Variants in PPME1 observed in about 807,000 individuals in gnomAD.
PPME1 encodes protein phosphatase methylesterase 1, also known as testicular secretory protein Li 39.
In PPME1, 17 loss-of-function variants were observed where a neutral mutation model predicts 56.9. The observed-to-expected ratio is 0.30, with a 90% CI of 0.20 to 0.45. The LOEUF (loss-of-function observed/expected upper bound fraction) is 0.45. Ranked by LOEUF, PPME1 falls within the 20% of genes least tolerant of loss-of-function variation. The probability of loss-of-function intolerance (pLI) is 1.00; values close to 1 mark genes in which losing one functional copy is unlikely to be tolerated. For synonymous variants in PPME1, 122 were observed against 156.2 expected (o/e 0.78, Z 1.63); for missense variants, 357 against 483.2 (o/e 0.74, Z 2.45).
intron 1 of PPME1, among the ~76,000 whole-genome samples, chr11:74,182,208 T>C (rs1312605833): frequency 6.6e-6 from 1 of 152,198 alleles, no homozygotes; most frequent in Non-Finnish European, 1.5e-5. Flanking sequence ...TTTTTTTAAA[T>C]GTAGATAATA....
intron 1 of PPME1, among the ~76,000 whole-genome samples, chr11:74,192,886 A>C (rs956605042): frequency 6.6e-6 from 1 of 152,140 alleles, no homozygotes; most frequent in Non-Finnish European, 1.5e-5. Context: ...CCTTTTTATA[A>C]ATTACCCAGT....
chr11:74,204,468 A>C, intron 3 of PPME1, 23 bp downstream of exon 3: 2 of 1,566,856 alleles, frequency 1.3e-6, no homozygotes, highest in Non-Finnish European at 1.8e-6. Flanking sequence ...TTGATAGTAC[A>C]AGTTAATGTT....
chr11:74,231,232 A>C (rs1859058969), intron 7 of PPME1, among the ~76,000 whole-genome samples: 1 of 152,030 alleles, frequency 6.6e-6, no homozygotes. Context: ...TAATTTTTAA[A>C]TTTTTTGTAG....
chr11:74,171,599 G>T, intron 1 of PPME1, 77 bp downstream of exon 1: 1 of 1,488,246 alleles, frequency 6.7e-7, no homozygotes. Flanking sequence ...CGTTCATAGA[G>T]GCACGGGAAA....
At chr11:74,171,981 G>T (rs1857254457) in intron 1 of PPME1, among the ~76,000 whole-genome samples, 1 of 152,146 alleles carries the variant, frequency 6.6e-6, no homozygotes, top group African/African-American at 2.4e-5. Context: ...TGCACTGTGA[G>T]AACTAGATAC....
chr11:74,223,428 C>T (rs1858852031), intron 4 of PPME1, among the ~76,000 whole-genome samples: 1 of 144,924 alleles, frequency 6.9e-6, no homozygotes, highest in Non-Finnish European at 1.5e-5. Context: ...TTTATAGCAG[C>T]AAGATTTATA....
intron 11 of PPME1, chr11:74,248,781 A>T (rs1859576129): frequency 6.6e-6 from 1 of 152,244 alleles, no homozygotes; most frequent in South Asian, 2.1e-4. Context: ...CCTATGCATG[A>T]TGCTGGGCAG....
intron 3 of PPME1, among the ~76,000 whole-genome samples, chr11:74,214,252 C>CTT (rs1487725203): frequency 1.3e-5 from 2 of 152,038 alleles, no homozygotes; most frequent in Non-Finnish European, 2.9e-5. Flanking sequence ...TAAGAATTAG[C>CTT]TTGAAGACAG....
chr11:74,230,526 CT>C lies in PPME1; in HGVS notation c.553+133del, dbSNP rs1859039119. 3 of 1,165,894 alleles carry C rather than the reference CT, an allele frequency of 2.6e-6. No individual in the cohort carries two copies. Among genetic ancestry groups the C allele is most frequent in the Non-Finnish European group, 3.6e-6 (3 of 822,180 alleles). 72.2% of individuals were successfully genotyped at this position (1,165,894 alleles called of 1,614,324 possible). A position where few individuals can be genotyped will look rare whatever the true frequency, so the allele number is the denominator to read the frequency against. On this transcript the variant is annotated intron_variant, in intron 6 of 13. Coordinates refer to ENST00000328257, the MANE Select transcript of PPME1 (RefSeq NM_016147.3). This position sits in a 1 kb window ranked among gnomAD's most constrained non-coding sequence, Gnocchi z 4.9. ...GAAATATGTCCCTCTGTCTTTATATCTTTTTTAAGTTTATACAAGATAACCA... is the reference window on the plus strand; with the variant it reads ...GAAATATGTCCCTCTGTCTTTATATCTTTTTAAGTTTATACAAGATAACCA...
intron 1 of PPME1, among the ~76,000 whole-genome samples, chr11:74,184,385 A>G (rs1299371424): frequency 1.3e-5 from 2 of 152,200 alleles, no homozygotes; most frequent in Non-Finnish European, 2.9e-5. Flanking sequence ...CATAGAATTT[A>G]CCAATATTTT....
chr11:74,224,882 G>A (rs949733176), intron 4 of PPME1, among the ~76,000 whole-genome samples: 29 of 146,718 alleles, frequency 2.0e-4, no homozygotes, highest in South Asian at 6.6e-4. Flanking sequence ...CAATCATGTC[G>A]TCTGCAAACA....
At chr11:74,213,434 G>A (rs1858534497) in intron 3 of PPME1, among the ~76,000 whole-genome samples, 1 of 152,224 alleles carries the variant, frequency 6.6e-6, no homozygotes, top group African/African-American at 2.4e-5. Context: ...AAGGACAGAA[G>A]CCTGGCTGGC....
intron 3 of PPME1, among the ~76,000 whole-genome samples, chr11:74,218,721 C>T (rs1051896538): frequency 6.6e-6 from 1 of 152,094 alleles, no homozygotes; most frequent in African/African-American, 2.4e-5. Flanking sequence ...AAACTAAACC[C>T]CTATCTCTTG....
At chr11:74,227,038 C>G (rs1287380422) in intron 5 of PPME1, among the ~76,000 whole-genome samples, 3 of 152,058 alleles carry the variant, frequency 2.0e-5, no homozygotes, top group Non-Finnish European at 4.4e-5. Context: ...GAATTCTGCC[C>G]TCTAGGGTAT....
intron 3 of PPME1, among the ~76,000 whole-genome samples, chr11:74,221,172 T>G (rs1257407133): frequency 6.6e-6 from 1 of 152,194 alleles, no homozygotes; most frequent in Non-Finnish European, 1.5e-5. Flanking sequence ...ATATATATTT[T>G]GTTTCTGTTT....
intron 1 of PPME1, among the ~76,000 whole-genome samples, chr11:74,173,521 G>C (rs1032259569): frequency 3.3e-5 from 5 of 151,888 alleles, no homozygotes; most frequent in African/African-American, 7.3e-5. Context: ...GTAATTTATC[G>C]TTTTTATTTT....
intron 12 of PPME1, chr11:74,251,444 A>T: frequency 7.1e-7 from 1 of 1,417,758 alleles, no homozygotes; most frequent in Non-Finnish European, 9.2e-7. Context: ...CTTGAGCTCT[A>T]TGGAGCTATC....
intron 12 of PPME1, 47 bp downstream of exon 12, chr11:74,251,065 C>T (rs1333404613): frequency 1.3e-6 from 2 of 1,556,164 alleles, no homozygotes; most frequent in South Asian, 1.2e-5. Context: ...GTGAGAATAA[C>T]CCTGGATGTC....
At chr11:74,175,691 A>G (rs991155354) in intron 1 of PPME1, among the ~76,000 whole-genome samples, 5 of 152,190 alleles carry the variant, frequency 3.3e-5, no homozygotes, top group African/African-American at 1.2e-4. Context: ...TTGAGTAGGT[A>G]GGACTGAGGA....
Sources: gnomAD v4.1 joint callset for allele counts (sites outside exome capture counted in the v4.1 genomes callset) on GRCh38, gnomAD v4.1.1 for gene constraint, Gnocchi (gnomAD v3.1) non-coding constraint, MANE v1.5 for transcripts, NCBI Gene and HGNC (gene_info 2026-07-23, HGNC 2026-07-21) for gene names.